The following SETBP1 variants were observed in gnomAD, a reference collection of about 807,000 sequenced individuals.
The protein encoded by SETBP1 is SET-binding protein.
In SETBP1, 9 loss-of-function variants were observed where a neutral mutation model predicts 101.0. The ratio of observed to expected loss-of-function variants is 0.09; its 90% CI spans 0.05 to 0.16. SETBP1 has a LOEUF of 0.16. Ranked by LOEUF, SETBP1 falls within the 10% of genes least tolerant of loss-of-function variation. The probability of loss-of-function intolerance (pLI) is 1.00; values close to 1 mark genes in which losing one functional copy is unlikely to be tolerated. For missense variants in SETBP1, 1,858 were observed against 2,033.8 expected, an observed-to-expected ratio of 0.91 and a Z score of 1.66; for synonymous variants, 818 against 788.5, an observed-to-expected ratio of 1.04 and a Z score of -0.63.
intron 2 of SETBP1, among the ~76,000 whole-genome samples, chr18:44,745,750 C>G (rs1336304171): frequency 6.6e-6 from 1 of 152,038 alleles, no homozygotes; most frequent in Non-Finnish European, 1.5e-5. Flanking sequence ...GGCCATGGAG[C>G]CTTGGAAGTG....
chr18:45,042,236 A>G (rs1422030443), intron 5 of SETBP1, among the ~76,000 whole-genome samples: 2 of 133,734 alleles, frequency 1.5e-5, no homozygotes, highest in East Asian at 4.6e-4. Context: ...TGCAACCTCC[A>G]CCTCCCAGAT....
chr18:44,839,014 G>A (rs775485928), intron 2 of SETBP1, among the ~76,000 whole-genome samples: 1 of 151,802 alleles, frequency 6.6e-6, no homozygotes, highest in Non-Finnish European at 1.5e-5. Flanking sequence ...CTCAACTGTC[G>A]GTTTGAAGGA....
intron 5 of SETBP1, among the ~76,000 whole-genome samples, chr18:45,046,169 T>G (rs2073608578): frequency 6.6e-6 from 1 of 152,208 alleles, no homozygotes; most frequent in South Asian, 2.1e-4. Flanking sequence ...CAGATCTTAT[T>G]CAACTTTACC....
intron 5 of SETBP1, among the ~76,000 whole-genome samples, chr18:45,043,585 T>C (rs933354993): frequency 6.6e-6 from 1 of 152,228 alleles, no homozygotes; most frequent in Non-Finnish European, 1.5e-5. Context: ...CATTATTATT[T>C]CAAACTATAT....
At chr18:44,885,733 G>A (rs2069626684) in intron 3 of SETBP1, among the ~76,000 whole-genome samples, 1 of 151,252 alleles carries the variant, frequency 6.6e-6, no homozygotes. Flanking sequence ...AGTGCAGGTG[G>A]ACTGGAGATG....
intron 3 of SETBP1, among the ~76,000 whole-genome samples, chr18:44,894,456 C>T (rs1443729368): frequency 1.3e-5 from 2 of 151,626 alleles, no homozygotes; most frequent in African/African-American, 4.9e-5. Flanking sequence ...TAATATTGGG[C>T]TTGTTGGATT....
At chr18:44,778,781 A>T (rs980240124) in intron 2 of SETBP1, among the ~76,000 whole-genome samples, 2 of 152,220 alleles carry the variant, frequency 1.3e-5, no homozygotes, top group African/African-American at 4.8e-5. Context: ...AGAATTATGG[A>T]ACTTGTCATT....
intron 3 of SETBP1, among the ~76,000 whole-genome samples, chr18:44,933,951 G>A (rs1015917556): frequency 2.6e-5 from 4 of 152,104 alleles, no homozygotes; most frequent in Non-Finnish European, 4.4e-5. Flanking sequence ...TGTCTGACAA[G>A]CCCCAGTGAG....
intron 2 of SETBP1, among the ~76,000 whole-genome samples, chr18:44,708,725 C>T (rs2069273557): frequency 7.5e-6 from 1 of 132,778 alleles, no homozygotes; most frequent in African/African-American, 3.0e-5. Context: ...TTCTCAGCTT[C>T]TACATGTTCA....
chr18:44,922,598 T>G (rs2070608338), intron 3 of SETBP1, among the ~76,000 whole-genome samples: 1 of 152,154 alleles, frequency 6.6e-6, no homozygotes, highest in East Asian at 1.9e-4. Flanking sequence ...GAATCTTAGT[T>G]TTGTGTGGCC....
At chr18:44,852,757 C>G (rs564634062) in intron 2 of SETBP1, among the ~76,000 whole-genome samples, 1 of 152,288 alleles carries the variant, frequency 6.6e-6, no homozygotes, top group African/African-American at 2.4e-5. Context: ...GGGGACCAGC[C>G]CAAGCTCTGT....
chr18:45,060,779 G>T (rs1399042197), intron 5 of SETBP1, among the ~76,000 whole-genome samples: 2 of 151,952 alleles, frequency 1.3e-5, no homozygotes, highest in Non-Finnish European at 2.9e-5. Flanking sequence ...TTGTTTTTGG[G>T]GTTTGTTTAC....
intron 2 of SETBP1, among the ~76,000 whole-genome samples, chr18:44,842,408 A>G (rs928833146): frequency 6.6e-6 from 1 of 152,164 alleles, no homozygotes; most frequent in Non-Finnish European, 1.5e-5. Flanking sequence ...AAATTGTCAA[A>G]TTTTATTGAA....
intron 4 of SETBP1, among the ~76,000 whole-genome samples, chr18:45,034,297 C>T (rs1232001843): frequency 6.6e-6 from 1 of 152,196 alleles, no homozygotes; most frequent in Non-Finnish European, 1.5e-5. Context: ...CCGCTAGATG[C>T]AGCGCCTGCC....
chr18:45,060,879 G>T (rs1333482426), intron 5 of SETBP1, among the ~76,000 whole-genome samples: 1 of 152,166 alleles, frequency 6.6e-6, no homozygotes, highest in Non-Finnish European at 1.5e-5. Flanking sequence ...GCAGCTCATG[G>T]AGTATTTCCA....
intron 2 of SETBP1, among the ~76,000 whole-genome samples, chr18:44,711,640 C>T (rs557272000): frequency 6.6e-6 from 1 of 151,774 alleles, no homozygotes; most frequent in African/African-American, 2.4e-5. Flanking sequence ...ATCCTTTCAG[C>T]TCAGCCTACT....
At chr18:44,901,616 A>C (rs947906693) in intron 3 of SETBP1, among the ~76,000 whole-genome samples, 1 of 152,170 alleles carries the variant, frequency 6.6e-6, no homozygotes, top group South Asian at 2.1e-4. Context: ...TAACCCACAC[A>C]GTGGGCTTGG....
intron 2 of SETBP1, among the ~76,000 whole-genome samples, chr18:44,824,047 A>T (rs151242061): frequency 2.1e-4 from 32 of 152,314 alleles, no homozygotes; most frequent in African/African-American, 7.7e-4. Flanking sequence ...CCTAACCTCC[A>T]TTCAAACTTC....
intron 3 of SETBP1, among the ~76,000 whole-genome samples, chr18:44,937,469 A>AC (rs1287620891): frequency 6.6e-6 from 1 of 151,638 alleles, no homozygotes; most frequent in East Asian, 1.9e-4. Flanking sequence ...AAAAAAAAAA[A>AC]AAAAAAAGAT....
Sources: allele counts gnomAD v4.1 joint callset (sites outside exome capture counted in the v4.1 genomes callset), GRCh38; gene constraint gnomAD v4.1.1; transcripts MANE v1.5; gene names NCBI Gene and HGNC (gene_info 2026-07-23, HGNC 2026-07-21).